The following ALK variants were observed in gnomAD, a reference collection of about 807,000 sequenced individuals.
ALK encodes ALK tyrosine kinase receptor.
ALK carries 74 observed loss-of-function variants against 163.1 expected under a neutral mutation model. That is an observed-to-expected ratio of 0.45 (90% CI 0.38 to 0.55). ALK has a LOEUF of 0.55. Among genes scored for constraint, ALK ranks in the 20% least tolerant of loss-of-function variants. ALK has a pLI of 0.00. For missense variants in ALK, 2,063 were observed against 2,105.3 expected (o/e 0.98, Z 0.39); for synonymous variants, 960 against 843.2 (o/e 1.14, Z -2.40).
At chr2:29,813,910 G>A (rs918744628) in intron 1 of ALK, among the ~76,000 whole-genome samples, 1 of 152,212 alleles carries the variant, frequency 6.6e-6, no homozygotes, top group Non-Finnish European at 1.5e-5. Context: ...GTCCATGGCT[G>A]TCATGTCTGG....
intron 3 of ALK, among the ~76,000 whole-genome samples, chr2:29,542,539 CTG>C (rs2148167396): frequency 6.6e-6 from 1 of 152,214 alleles, no homozygotes; most frequent in Admixed American, 6.5e-5. Context: ...GGTAGCTTTT[CTG>C]GTTATGGTTT....
intron 4 of ALK, among the ~76,000 whole-genome samples, chr2:29,489,789 C>T (rs767651562): frequency 2.6e-5 from 4 of 152,186 alleles, no homozygotes; most frequent in Non-Finnish European, 5.9e-5. Context: ...CTGGAAAGGC[C>T]TAGGATCTGG....
At chr2:29,510,385 T>C (rs567020637) in intron 4 of ALK, among the ~76,000 whole-genome samples, 28 of 152,308 alleles carry the variant, frequency 1.8e-4, no homozygotes, top group Non-Finnish European at 3.4e-4. Context: ...CATCTTGCAA[T>C]GGTGGGCCAA....
intron 3 of ALK, among the ~76,000 whole-genome samples, chr2:29,636,777 C>T (rs539660902): frequency 8.5e-4 from 130 of 152,138 alleles, no homozygotes; most frequent in Non-Finnish European, 1.4e-3. Context: ...AGAAAACAGG[C>T]AAAAGATTTA....
intron 4 of ALK, among the ~76,000 whole-genome samples, chr2:29,506,626 G>T (rs1157216835): frequency 6.6e-6 from 1 of 152,078 alleles, no homozygotes; most frequent in Non-Finnish European, 1.5e-5. Flanking sequence ...GGTGCCTGTA[G>T]TCCCAGCTCC....
intron 3 of ALK, among the ~76,000 whole-genome samples, chr2:29,583,296 G>A (rs1674780687): frequency 1.3e-5 from 2 of 151,992 alleles, no homozygotes; most frequent in Non-Finnish European, 2.9e-5. Context: ...AATTTGCAAG[G>A]CATTTCAAAC....
At chr2:29,677,443 T>A (rs1440430317) in intron 3 of ALK, among the ~76,000 whole-genome samples, 4 of 151,998 alleles carry the variant, frequency 2.6e-5, no homozygotes, top group Admixed American at 6.6e-5. Context: ...TTTATTAGGT[T>A]AAGGAAATTA....
intron 1 of ALK, among the ~76,000 whole-genome samples, chr2:29,840,476 C>G (rs950778278): frequency 1.3e-5 from 2 of 152,204 alleles, no homozygotes; most frequent in African/African-American, 4.8e-5. Flanking sequence ...CAAACATATT[C>G]TCAATATTGT....
At chr2:29,457,368 G>A (rs1670981540) in intron 4 of ALK, among the ~76,000 whole-genome samples, 1 of 152,160 alleles carries the variant, frequency 6.6e-6, no homozygotes, top group South Asian at 2.1e-4. Flanking sequence ...TCGGTTAGGA[G>A]TAGGGAGGGC....
chr2:29,286,689 G>C (rs1430631675), intron 9 of ALK: 2 of 152,026 alleles, frequency 1.3e-5, no homozygotes, highest in Non-Finnish European at 2.9e-5. Flanking sequence ...GAAATTCTGA[G>C]GTGGTTTCTG....
chr2:29,383,612 C>T (rs778823244), intron 5 of ALK, 120 bp downstream of exon 5: 7 of 1,367,234 alleles, frequency 5.1e-6, no homozygotes, highest in Non-Finnish European at 4.1e-6. Context: ...CCACAGCACC[C>T]AGCCCACTCT....
intron 4 of ALK, among the ~76,000 whole-genome samples, chr2:29,520,829 A>T (rs2148148395): frequency 6.6e-6 from 1 of 152,214 alleles, no homozygotes; most frequent in East Asian, 1.9e-4. Flanking sequence ...ATACTAATAA[A>T]CAGCTCAGAC....
At chr2:29,285,812 C>T (rs147703094) in intron 9 of ALK, among the ~76,000 whole-genome samples, 150 of 150,450 alleles carry the variant, frequency 1.0e-3, no homozygotes, top group Middle Eastern at 7.2e-3. Flanking sequence ...ATCTGCCTGC[C>T]TTGGCCTCCC....
At chr2:29,267,903 T>A (rs1665261804) in intron 11 of ALK, among the ~76,000 whole-genome samples, 1 of 152,210 alleles carries the variant, frequency 6.6e-6, no homozygotes, top group African/African-American at 2.4e-5. Flanking sequence ...CTTGCCCTGA[T>A]GGAGGGGCCT....
At chr2:29,310,402 G>A (rs933088793) in intron 8 of ALK, among the ~76,000 whole-genome samples, 3 of 152,146 alleles carry the variant, frequency 2.0e-5, no homozygotes, top group Non-Finnish European at 4.4e-5. Flanking sequence ...TGGCTTTATC[G>A]ATACTAAGGG....
chr2:29,381,307 A>G (rs1172482977), intron 5 of ALK, among the ~76,000 whole-genome samples: 3 of 152,264 alleles, frequency 2.0e-5, no homozygotes, highest in African/African-American at 7.2e-5. Flanking sequence ...TGCTCTGTCA[A>G]TGTTAGCTTT....
chr2:29,309,535 T>C (rs1666637763), intron 8 of ALK, among the ~76,000 whole-genome samples: 1 of 152,202 alleles, frequency 6.6e-6, no homozygotes, highest in Non-Finnish European at 1.5e-5. Flanking sequence ...CATTAGCAAG[T>C]GCTCTGGCAG....
intron 1 of ALK, among the ~76,000 whole-genome samples, chr2:29,876,892 T>C (rs1439075763): frequency 6.6e-6 from 1 of 152,212 alleles, no homozygotes; most frequent in Non-Finnish European, 1.5e-5. Context: ...CACCTTTGCA[T>C]TGAACCAGCT....
intron 3 of ALK, among the ~76,000 whole-genome samples, chr2:29,617,152 G>A (rs1675869747): frequency 1.3e-5 from 2 of 152,112 alleles, no homozygotes; most frequent in Non-Finnish European, 2.9e-5. Flanking sequence ...CATCAATAAA[G>A]CTCTCCTTTC....
Sources: allele counts gnomAD v4.1 joint callset (sites outside exome capture counted in the v4.1 genomes callset), GRCh38; gene constraint gnomAD v4.1.1; transcripts MANE v1.5; gene names NCBI Gene and HGNC (gene_info 2026-07-23, HGNC 2026-07-21).